ABTB2: variants seen among roughly 807,000 people sequenced by gnomAD.
ABTB2 encodes ankyrin repeat and BTB/POZ domain-containing protein 2.
A neutral mutation model predicts 104.1 loss-of-function variants in ABTB2; 56 were observed. The ratio of observed to expected loss-of-function variants is 0.54; its 90% CI spans 0.43 to 0.67. The LOEUF is 0.67. Ranked by LOEUF, ABTB2 falls within the 30% of genes least tolerant of loss-of-function variation. The pLI, the probability that ABTB2 is intolerant of heterozygous loss-of-function variation, is 0.00. For synonymous variants in ABTB2, 606 were observed against 608.2 expected, an observed-to-expected ratio of 1.00 and a Z score of 0.05; for missense variants, 1,279 against 1,407.7, an observed-to-expected ratio of 0.91 and a Z score of 1.46.
chr11:34,162,585 T>G lies in ABTB2; in HGVS notation c.2209A>C (p.Arg737=). ...HGYVDITMEL[R]ALGVPWKLHI... is the part of the protein sequence containing the mutation. ...GCCCGTGAGGCCTCACCCAGTGCCC[T>G]CAGCTCCATGGTGATGTCCACGTAG... is the stretch of plus-strand genomic sequence containing the variant. The change falls in exon 10 of 17, where the codon AGG becomes CGG. Residue 737 remains arginine, a synonymous_variant. Transcript: ENST00000435224. The G allele has an allele frequency of 6.2e-7, 1 of 1,613,482 alleles. No homozygotes were observed. The highest frequency in any genetic ancestry group is 8.5e-7 in the Non-Finnish European group (1 of 1,179,904).
intron 3 of ABTB2, among the ~76,000 whole-genome samples, chr11:34,186,633 T>C (rs1590210828): frequency 6.6e-6 from 1 of 152,092 alleles, no homozygotes; most frequent in East Asian, 1.9e-4. Flanking sequence ...GACCGGTGGG[T>C]CCAACAATGG....
chr11:34,155,364 C>T (rs967061576), intron 14 of ABTB2, among the ~76,000 whole-genome samples: 9 of 152,334 alleles, frequency 5.9e-5, no homozygotes, highest in African/African-American at 1.7e-4. Flanking sequence ...CCCGGAGGCC[C>T]GGAGGCCCGG....
intron 1 of ABTB2, among the ~76,000 whole-genome samples, chr11:34,210,475 G>A (rs1853468123): frequency 1.3e-5 from 2 of 152,190 alleles, no homozygotes; most frequent in South Asian, 4.2e-4. Flanking sequence ...TAAAAAAGAT[G>A]TCCTTTCTGT....
chr11:34,306,811 T>C (rs1854780462), intron 1 of ABTB2, among the ~76,000 whole-genome samples: 1 of 151,912 alleles, frequency 6.6e-6, no homozygotes, highest in African/African-American at 2.4e-5. Flanking sequence ...TAGACAAATA[T>C]TACTTTATAG....
chr11:34,190,239 A>G (rs2982604), intron 3 of ABTB2, among the ~76,000 whole-genome samples: 141,555 of 145,594 alleles, frequency 0.97, 68,935 homozygotes, highest in East Asian at 1. Flanking sequence ...GACTCCATCC[A>G]GCCCCTGCCC....
chr11:34,160,977 T>C lies in ABTB2; in HGVS notation c.2323A>G (p.Arg775Gly). Residue 775 changes from arginine (R) to glycine (G), a missense_variant, in exon 11 of 17, where the codon AGA (arginine) becomes GGA (glycine). Coordinates refer to ENST00000435224, the MANE Select transcript of ABTB2 (RefSeq NM_145804.3). ...AGCTCCTCGTTGTACTCCTCCTCTC[T>C]GATGGAGCTGAAGTCCCGCAGGAGG... ...QSLLRDFSSIREEEYNEELVT... is the reference protein window; with the variant it reads ...QSLLRDFSSIGEEEYNEELVT... 2 of 1,613,724 alleles carry C rather than the reference T, an allele frequency of 1.2e-6. No homozygotes were observed. Among genetic ancestry groups the C allele is most frequent in the Non-Finnish European group, 8.5e-7 (1 of 1,179,876 alleles).
chr11:34,343,095 G>A (rs144255052), intron 1 of ABTB2, among the ~76,000 whole-genome samples: 489 of 152,132 alleles, frequency 3.2e-3, no homozygotes, highest in Middle Eastern at 0.014. Context: ...TCAGCCTCCC[G>A]AGTAGCTGGG....
chr11:34,232,449 C>CAAAAAAAAAAAAAAAAAAAAA (rs67998044), intron 1 of ABTB2, among the ~76,000 whole-genome samples: 1 of 115,330 alleles, frequency 8.7e-6, no homozygotes, highest in Non-Finnish European at 1.8e-5. Context: ...GACTCTGTCT[C>CAAAAAAAAAAAAAAAAAAAAA]AAAAAAAAAA....
intron 1 of ABTB2, among the ~76,000 whole-genome samples, chr11:34,267,753 G>A (rs1012554295): frequency 2.0e-5 from 3 of 151,990 alleles, no homozygotes; most frequent in African/African-American, 7.3e-5. Flanking sequence ...CTTTCCAGGA[G>A]GACATTGGAG....
In ABTB2 at chr11:34,357,503, G is replaced by A; in HGVS notation, c.81C>T (p.Cys27=). The part of the protein sequence containing the change: ...LDSGYGAGDS[C]RSLSLSSSKS... Reference sequence around the variant, plus strand: ...TGGAGGACGAGAGGCTGAGCGAGCGGCACGAGTCCCCGGCCCCATACCCGG... The same window carrying A: ...TGGAGGACGAGAGGCTGAGCGAGCGACACGAGTCCCCGGCCCCATACCCGG... The change falls in exon 1 of 17, where the codon TGC becomes TGT. Residue 27 remains cysteine, a synonymous_variant. Transcript: ENST00000435224. 6.5e-7 allele frequency: 1 copy of A among 1,541,956 alleles called. No individual in the cohort carries two copies.
chr11:34,345,840 C>T (rs1333356548), intron 1 of ABTB2, among the ~76,000 whole-genome samples: 1 of 152,170 alleles, frequency 6.6e-6, no homozygotes, highest in Non-Finnish European at 1.5e-5. Flanking sequence ...ACAACCAGGT[C>T]CCTGGCTTTC....
intron 1 of ABTB2, among the ~76,000 whole-genome samples, chr11:34,305,526 G>A (rs760314000): frequency 2.6e-5 from 4 of 152,184 alleles, no homozygotes; most frequent in Admixed American, 1.3e-4. Context: ...CATCTTGCAC[G>A]TTGTATAAAC....
intron 1 of ABTB2, among the ~76,000 whole-genome samples, chr11:34,349,643 A>G (rs1368810000): frequency 6.6e-6 from 1 of 152,142 alleles, no homozygotes; most frequent in Non-Finnish European, 1.5e-5. Flanking sequence ...CAACCATCCT[A>G]TGAGTTGGGT....
At chr11:34,299,692 A>G (rs1263504471) in intron 1 of ABTB2, among the ~76,000 whole-genome samples, 1 of 152,202 alleles carries the variant, frequency 6.6e-6, no homozygotes, top group African/African-American at 2.4e-5. Context: ...CTCAACTGAC[A>G]GCAACTACTC....
intron 1 of ABTB2, among the ~76,000 whole-genome samples, chr11:34,264,993 T>C (rs1854230749): frequency 6.6e-6 from 1 of 152,222 alleles, no homozygotes; most frequent in African/African-American, 2.4e-5. Context: ...GAGATGTGCA[T>C]TGCAGAACCA....
chr11:34,230,063 A>G (rs559550862), intron 1 of ABTB2, among the ~76,000 whole-genome samples: 1 of 152,316 alleles, frequency 6.6e-6, no homozygotes, highest in South Asian at 2.1e-4. Context: ...CTGCCAGGCA[A>G]TGGGCAAGGG....
At chr11:34,204,149 C>T (rs1427906444) in intron 2 of ABTB2, among the ~76,000 whole-genome samples, 1 of 152,034 alleles carries the variant, frequency 6.6e-6, no homozygotes, top group Non-Finnish European at 1.5e-5. Context: ...TGCTTTCTTT[C>T]GAGAAAGAGC....
chr11:34,157,177 G>A (rs771546975), intron 14 of ABTB2, among the ~76,000 whole-genome samples: 25 of 152,210 alleles, frequency 1.6e-4, no homozygotes, highest in Non-Finnish European at 4.4e-5. Flanking sequence ...CCGGAAAGTC[G>A]GAGCTGAGGT....
At chr11:34,159,738 C>T (rs752419084) in intron 13 of ABTB2, among the ~76,000 whole-genome samples, 168 bp downstream of exon 13, 2 of 152,248 alleles carry the variant, frequency 1.3e-5, no homozygotes, top group African/African-American at 2.4e-5. Flanking sequence ...GGGTCCACCC[C>T]GTCTCATCCC....
Sources: gnomAD v4.1 joint callset for allele counts (sites outside exome capture counted in the v4.1 genomes callset) on GRCh38, gnomAD v4.1.1 for gene constraint, MANE v1.5 for transcripts, NCBI Gene and HGNC (gene_info 2026-07-23, HGNC 2026-07-21) for gene names.